Variants in EDA observed in about 807,000 individuals in gnomAD.
The protein encoded by EDA is ectodysplasin-A.
EDA carries 2 observed loss-of-function variants against 23.6 expected under a neutral mutation model. The ratio of observed to expected loss-of-function variants is 0.08; its 90% CI spans 0.03 to 0.27. The LOEUF (loss-of-function observed/expected upper bound fraction) is 0.27, where lower values mean the gene tolerates loss of function less well. Ranked by LOEUF, EDA falls within the 10% of genes least tolerant of loss-of-function variation. The probability of loss-of-function intolerance (pLI) is 1.00; values close to 1 mark genes in which losing one functional copy is unlikely to be tolerated. For synonymous variants in EDA, 131 were observed against 132.0 expected, an observed-to-expected ratio of 0.99 and a Z score of 0.05; for missense variants, 229 against 324.2, an observed-to-expected ratio of 0.71 and a Z score of 2.26.
rs761535709 is a variant in EDA at position 69,736,933 on chromosome X, G to A, written c.396+120229G>A. 6.2e-3 allele frequency among the ~76,000 whole-genome samples: 669 copies of A among 108,490 alleles called. 8 individuals carry two copies. Among genetic ancestry groups the A allele is most frequent in the African/African-American group, 0.022 (641 of 29,739 alleles). 94.2% of individuals were successfully genotyped at this position (108,490 alleles called of 115,157 possible). A position where few individuals can be genotyped will look rare whatever the true frequency, so the allele number is the denominator to read the frequency against. On this transcript the variant is annotated intron_variant, in intron 1 of 7. Transcript: ENST00000374552. Reference sequence around the variant, plus strand: ...ATTACAGGCGCCTGCCACCATGCCCGGCTAATTTTTTGTATTTTTAGTAGA... The same window carrying A: ...ATTACAGGCGCCTGCCACCATGCCCAGCTAATTTTTTGTATTTTTAGTAGA...
At chrX:69,791,223 A>T (rs1459056674) in intron 1 of EDA, among the ~76,000 whole-genome samples, 5 of 112,008 alleles carry the variant, frequency 4.5e-5, no homozygotes, top group Non-Finnish European at 9.4e-5. Context: ...ACTTGATAGA[A>T]TGTAAAGGTA....
At chrX:69,793,857 A>G (rs1226728517) in intron 1 of EDA, among the ~76,000 whole-genome samples, 1 of 110,953 alleles carries the variant, frequency 9.0e-6, no homozygotes, top group East Asian at 2.8e-4. Flanking sequence ...GTTTTAGCAG[A>G]AAAGAAAGAG....
chrX:69,677,090 G>C (rs1182351038), intron 1 of EDA, among the ~76,000 whole-genome samples: 1 of 97,639 alleles, frequency 1.0e-5, no homozygotes, highest in Non-Finnish European at 2.0e-5. Context: ...TTGGTTTTTT[G>C]TTCTTGCGAT....
intron 1 of EDA, among the ~76,000 whole-genome samples, chrX:69,845,375 A>G (rs1269383249): frequency 2.7e-5 from 3 of 111,954 alleles, no homozygotes; most frequent in Non-Finnish European, 5.6e-5. Context: ...TTTTGTGGAT[A>G]GTTATTCTTC....
chrX:69,723,332 T>G lies in EDA; in HGVS notation c.396+106628T>G, dbSNP rs146645543. ...TTGCTTCTACATGCTACAAAAGTTT[T>G]TGCTTGTTTGACATTATCATATGTC... On this transcript the variant is annotated intron_variant, in intron 1 of 7. Coordinates refer to ENST00000374552, the MANE Select transcript of EDA (RefSeq NM_001399.5). Among the ~76,000 whole-genome samples, 366 of 112,373 alleles carry G rather than the reference T, an allele frequency of 3.3e-3. 1 individual carries two copies. The highest frequency in any genetic ancestry group is 5.5e-3 in the Non-Finnish European group (293 of 53,279).
intron 1 of EDA, among the ~76,000 whole-genome samples, chrX:69,884,876 C>T (rs2017804843): frequency 8.9e-6 from 1 of 112,165 alleles, no homozygotes; most frequent in African/African-American, 3.2e-5. Flanking sequence ...CTATGTTTCA[C>T]TTTTCAAGGA....
chrX:69,831,628 G>A lies in EDA; in HGVS notation c.397-125399G>A, dbSNP rs11796747. 5.6e-3 allele frequency among the ~76,000 whole-genome samples: 625 copies of A among 112,254 alleles called. 6 individuals are homozygous for A. Among genetic ancestry groups the A allele is most frequent in the South Asian group, 0.012 (33 of 2,715 alleles). Reference sequence around the variant, plus strand: ...TCTAGTTCTAGATCCCTGAGGAATCGCCACACTGTCTTCCACAATGGTTGA... The same window carrying A: ...TCTAGTTCTAGATCCCTGAGGAATCACCACACTGTCTTCCACAATGGTTGA... On this transcript the variant is annotated intron_variant, in intron 1 of 7. Transcript: ENST00000374552.
chrX:69,822,853 C>A (rs2016271715), intron 1 of EDA, among the ~76,000 whole-genome samples: 1 of 85,325 alleles, frequency 1.2e-5, no homozygotes, highest in Non-Finnish European at 2.3e-5. Context: ...CCCCCTCCCC[C>A]ACCCCACAAC....
At chrX:69,790,044 T>A (rs1045366111) in intron 1 of EDA, among the ~76,000 whole-genome samples, 1 of 111,879 alleles carries the variant, frequency 8.9e-6, no homozygotes, top group Admixed American at 9.5e-5. Context: ...TGAGTACTTT[T>A]GGCTTATCAG....
chrX:70,029,389 A>G, intron 4 of EDA, 115 bp from the exon 5 acceptor site: 4 of 892,367 alleles, frequency 4.5e-6, no homozygotes, highest in Non-Finnish European at 6.6e-6. Flanking sequence ...CCTGGAGAAT[A>G]AAGCTCAGAC....
intron 1 of EDA, among the ~76,000 whole-genome samples, chrX:69,662,067 C>T (rs1933529075): frequency 1.8e-5 from 2 of 111,316 alleles, no homozygotes; most frequent in Admixed American, 1.9e-4. Context: ...GATCTCTAGA[C>T]TTGTTTATCC....
At chrX:69,897,749 A>G (rs1291835669) in intron 1 of EDA, among the ~76,000 whole-genome samples, 1 of 111,684 alleles carries the variant, frequency 9.0e-6, no homozygotes, top group African/African-American at 3.3e-5. Flanking sequence ...GTCACCCTCT[A>G]TGGAGACAAG....
chrX:69,878,137 A>G (rs1436719231), intron 1 of EDA, among the ~76,000 whole-genome samples: 1 of 112,097 alleles, frequency 8.9e-6, no homozygotes, highest in Non-Finnish European at 1.9e-5. Context: ...TCAACAGTAT[A>G]TTACATAAAT....
intron 1 of EDA, among the ~76,000 whole-genome samples, chrX:69,929,025 G>A (rs2147673694): frequency 8.9e-6 from 1 of 111,816 alleles, no homozygotes; most frequent in African/African-American, 3.2e-5. Context: ...ACATTGTGTT[G>A]TAACAGAATT....
At chrX:69,804,709 A>T (rs2015774052) in intron 1 of EDA, among the ~76,000 whole-genome samples, 1 of 110,998 alleles carries the variant, frequency 9.0e-6, no homozygotes, top group Admixed American at 9.7e-5. Context: ...AATGATCTTC[A>T]TGTAACTAAA....
intron 1 of EDA, among the ~76,000 whole-genome samples, chrX:69,782,200 A>T (rs2014965372): frequency 9.2e-6 from 1 of 109,258 alleles, no homozygotes; most frequent in Non-Finnish European, 1.9e-5. Context: ...CTTATTTTTG[A>T]TAAGTAAAAA....
intron 1 of EDA, among the ~76,000 whole-genome samples, chrX:69,686,928 T>G (rs771754966): frequency 8.9e-6 from 1 of 111,986 alleles, no homozygotes; most frequent in South Asian, 3.7e-4. Context: ...TCAATTCTCT[T>G]GAGTATATAC....
At chrX:69,763,586 G>A (rs12846085) in intron 1 of EDA, among the ~76,000 whole-genome samples, 1,464 of 111,955 alleles carry the variant, frequency 0.013, 13 homozygotes, top group Non-Finnish European at 0.022. Context: ...TATAATGAAG[G>A]TATATTATTA....
chrX:69,969,753 G>C (rs1602574826), intron 2 of EDA, among the ~76,000 whole-genome samples: 1 of 111,083 alleles, frequency 9.0e-6, no homozygotes, highest in African/African-American at 3.3e-5. Context: ...CAGAAGCAAG[G>C]CCCAAATTTA....
Sources: gnomAD v4.1 joint callset for allele counts (sites outside exome capture counted in the v4.1 genomes callset) on GRCh38, gnomAD v4.1.1 for gene constraint, MANE v1.5 for transcripts, NCBI Gene and HGNC (gene_info 2026-07-23, HGNC 2026-07-21) for gene names.